Variants in FSHR observed in about 807,000 individuals in gnomAD.
FSHR encodes follicle stimulating hormone receptor.
FSHR carries 46 observed loss-of-function variants against 52.1 expected under a neutral mutation model. The ratio of observed to expected loss-of-function variants is 0.88; its 90% CI spans 0.70 to 1.13. The LOEUF is 1.13. FSHR is among the 50% of genes most tolerant of loss of function. The probability of loss-of-function intolerance (pLI) is 0.00; values close to 1 mark genes in which losing one functional copy is unlikely to be tolerated. For synonymous variants in FSHR, 399 were observed against 309.6 expected (o/e 1.29, Z -3.03); for missense variants, 964 against 834.6 (o/e 1.16, Z -1.91).
At chr2:49,011,087 C>T (rs1420595400) in intron 4 of FSHR, among the ~76,000 whole-genome samples, 3 of 150,942 alleles carry the variant, frequency 2.0e-5, no homozygotes, top group Non-Finnish European at 4.4e-5. Flanking sequence ...AATGTGTTTG[C>T]TCTTGCTTTT....
intron 2 of FSHR, among the ~76,000 whole-genome samples, chr2:49,051,628 A>T (rs1401490493): frequency 6.6e-6 from 1 of 151,722 alleles, no homozygotes; most frequent in Non-Finnish European, 1.5e-5. Flanking sequence ...TTCTCTCATT[A>T]TGTGATTTGG....
At chr2:49,031,775 G>C (rs1331223674) in intron 2 of FSHR, among the ~76,000 whole-genome samples, 1 of 152,110 alleles carries the variant, frequency 6.6e-6, no homozygotes, top group East Asian at 1.9e-4. Flanking sequence ...CTGAGCCTCG[G>C]TTTTCTCATC....
At position 48,983,059 on chromosome 2, in the gene FSHR, C is replaced by A. The variant is rs751053368; in HGVS notation, c.593+39G>T. ...AATATTGCTGTTGTAAGAGCCATTT[C>A]CCTTTAAATGGCCTTGAAGAATAGT... On this transcript the variant is annotated intron_variant, in intron 7 of 9. Transcript: ENST00000406846. The A allele has an allele frequency of 2.5e-6, 4 of 1,605,800 alleles. No homozygotes were observed. The South Asian group carries it at 4.4e-5, about 18-fold the overall frequency.
rs368308512 is a variant in FSHR at position 48,990,827 on chromosome 2, T to C, written c.375-190A>G. On this transcript the variant is annotated intron_variant, in intron 4 of 9. Coordinates refer to ENST00000406846, the MANE Select transcript of FSHR (RefSeq NM_000145.4). ...TTCGTTCCACGGTCTTAAAAGCTGT[T>C]GATTCCTCAGAGAAAAGAAACTTAC... is the stretch of plus-strand genomic sequence containing the variant. Among the ~76,000 whole-genome samples, 72 of 152,194 alleles carry C rather than the reference T, an allele frequency of 4.7e-4. No homozygotes were observed. The South Asian group carries it at 9.5e-3, about 20-fold the overall frequency.
intron 2 of FSHR, among the ~76,000 whole-genome samples, chr2:49,023,539 A>G (rs1184742056): frequency 6.6e-6 from 1 of 152,162 alleles, no homozygotes; most frequent in Non-Finnish European, 1.5e-5. Context: ...GTTCCAGGGA[A>G]TTTTACTAAT....
intron 1 of FSHR, among the ~76,000 whole-genome samples, chr2:49,130,316 C>G (rs941349965): frequency 2.6e-5 from 4 of 152,184 alleles, no homozygotes; most frequent in Non-Finnish European, 4.4e-5. Flanking sequence ...AATCTCTGCT[C>G]TGCTCCCATT....
chr2:49,046,528 A>AT (rs1317063847), intron 2 of FSHR, among the ~76,000 whole-genome samples: 2 of 152,218 alleles, frequency 1.3e-5, no homozygotes, highest in African/African-American at 4.8e-5. Context: ...AGATAAGACA[A>AT]TGCATATAAA....
chr2:48,963,966 G>T lies in FSHR; in HGVS notation c.855C>A (p.Ile285=). Residue 285 remains isoleucine, a splice_region_variant and synonymous_variant, in exon 10 of 10, where the codon ATC becomes ATA. Coordinates refer to ENST00000406846, the MANE Select transcript of FSHR (RefSeq NM_000145.4). ...CCAFANWRRQ[I]SELHPICNKS... is the part of the protein sequence containing the mutation. ...TGTTGCAAATTGGATGAAGCTCAGA[G>T]CTAGAAAAATACAAAAAGAAATAGA... The T allele has an allele frequency of 1.9e-6, 3 of 1,612,080 alleles. No individual in the cohort carries two copies. The highest frequency in any genetic ancestry group is 2.5e-6 in the Non-Finnish European group (3 of 1,179,710).
intron 4 of FSHR, among the ~76,000 whole-genome samples, chr2:49,013,236 G>A (rs2104194332): frequency 6.6e-6 from 1 of 151,490 alleles, no homozygotes; most frequent in Non-Finnish European, 1.5e-5. Context: ...GGACTTCCCA[G>A]CCTCTAGAAC....
intron 1 of FSHR, among the ~76,000 whole-genome samples, chr2:49,118,324 G>A (rs62162140): frequency 0.19 from 29,404 of 151,952 alleles, 2,898 homozygotes; most frequent in African/African-American, 0.26. Context: ...GCTGAATGGG[G>A]CCAAAGGGGA....
intron 1 of FSHR, among the ~76,000 whole-genome samples, chr2:49,117,984 T>C (rs1671666000): frequency 1.3e-5 from 2 of 152,224 alleles, no homozygotes; most frequent in South Asian, 4.1e-4. Flanking sequence ...TAGCAAATAT[T>C]GCTGAGCCCT....
At chr2:49,042,658 G>A (rs1668517112) in intron 2 of FSHR, among the ~76,000 whole-genome samples, 1 of 152,198 alleles carries the variant, frequency 6.6e-6, no homozygotes, top group Admixed American at 6.5e-5. Flanking sequence ...GAACACTGGA[G>A]CAGCAATTTC....
intron 1 of FSHR, among the ~76,000 whole-genome samples, chr2:49,132,576 AT>A (rs752232153): frequency 8.5e-5 from 13 of 152,178 alleles, no homozygotes; most frequent in Non-Finnish European, 1.9e-4. Context: ...ATACTGAATT[AT>A]TTAACACTAA....
chr2:49,078,572 T>C (rs539115121), intron 1 of FSHR, among the ~76,000 whole-genome samples: 21 of 151,916 alleles, frequency 1.4e-4, no homozygotes, highest in Admixed American at 9.2e-4. Flanking sequence ...AATTCAAGAG[T>C]TGCTAAATAT....
intron 1 of FSHR, among the ~76,000 whole-genome samples, chr2:49,121,962 C>T (rs894054584): frequency 1.3e-5 from 2 of 152,194 alleles, no homozygotes; most frequent in Non-Finnish European, 2.9e-5. Context: ...CAAAGCACTT[C>T]AATAAAATCT....
intron 1 of FSHR, among the ~76,000 whole-genome samples, chr2:49,075,779 C>T (rs184053178): frequency 3.3e-4 from 50 of 152,002 alleles, no homozygotes; most frequent in Middle Eastern, 6.8e-3. Flanking sequence ...AGGCATGCAC[C>T]ACCACATCTG....
intron 2 of FSHR, among the ~76,000 whole-genome samples, chr2:49,042,188 T>C (rs1337196937): frequency 6.6e-6 from 1 of 152,220 alleles, no homozygotes; most frequent in East Asian, 1.9e-4. Flanking sequence ...CCATATCATA[T>C]TGCATACTAT....
chr2:49,074,413 C>T (rs1323839198), intron 1 of FSHR, among the ~76,000 whole-genome samples: 2 of 151,994 alleles, frequency 1.3e-5, no homozygotes, highest in East Asian at 1.9e-4. Flanking sequence ...ACAACAAATA[C>T]ATAAAACAGG....
Position 49,151,597 on chromosome 2 carries a change from G to A in FSHR, c.152+2669C>T, listed in dbSNP as rs1264311047. 5.9e-5 allele frequency among the ~76,000 whole-genome samples: 9 copies of A among 152,212 alleles called. No homozygotes were observed. In the East Asian group the frequency reaches 1.5e-3, roughly 26 times the overall value. ...ATAAAAATGTACATAGTAAAATGTA[G>A]GAATTGTTTTCCACCCGGTGAGCCT... On this transcript the variant is annotated intron_variant, in intron 1 of 9. Coordinates refer to ENST00000406846, the MANE Select transcript of FSHR (RefSeq NM_000145.4).
Sources: allele counts gnomAD v4.1 joint callset (sites outside exome capture counted in the v4.1 genomes callset), GRCh38; gene constraint gnomAD v4.1.1; transcripts MANE v1.5; gene names NCBI Gene and HGNC (gene_info 2026-07-23, HGNC 2026-07-21).